The following CADM1 variants were observed in gnomAD, a reference collection of about 807,000 sequenced individuals.
The protein encoded by CADM1 is TSLC-1.
Under a neutral mutation model 53.1 loss-of-function variants are expected in CADM1, and 15 were observed. The observed-to-expected ratio is 0.28, with a 90% CI of 0.19 to 0.44. The LOEUF is 0.44. CADM1 is among the 20% of genes least tolerant of loss of function. CADM1 has a pLI of 1.00. For missense variants in CADM1, 434 were observed against 611.3 expected, an observed-to-expected ratio of 0.71 and a Z score of 3.06; for synonymous variants, 281 against 243.0, an observed-to-expected ratio of 1.16 and a Z score of -1.45.
At chr11:115,340,114 C>A (rs1945387520) in intron 1 of CADM1, 1 of 152,152 alleles carries the variant, frequency 6.6e-6, no homozygotes, top group South Asian at 2.1e-4. Context: ...CCGTGTGAAT[C>A]CTGAACTCTG....
intron 1 of CADM1, among the ~76,000 whole-genome samples, chr11:115,393,142 A>C (rs995121833): frequency 2.6e-5 from 4 of 151,504 alleles, no homozygotes; most frequent in African/African-American, 9.7e-5. Context: ...ATTATTATAT[A>C]GTCTTTAAAA....
rs1022716461 is a variant in CADM1 at position 115,214,390 on chromosome 11, G to A, written c.994+218C>T. On this transcript the variant is annotated intron_variant, in intron 7 of 11. Coordinates refer to ENST00000331581, the MANE Select transcript of CADM1 (RefSeq NM_001301043.2). The stretch of plus-strand genomic sequence containing the variant: ...TTCCTTCTCAGCATGACCAAAGACT[G>A]TGATCTAGTAGAAACACCCACCATT... 9 of 576,110 alleles carry A rather than the reference G, an allele frequency of 1.6e-5. No homozygotes were observed. The African/African-American group carries it at 1.7e-4, about 11-fold the overall frequency. The allele number at this position is 576,110 out of a possible 1,614,324, so 35.7% of individuals were successfully genotyped here. A position where few individuals can be genotyped will look rare whatever the true frequency, so the allele number is the denominator to read the frequency against.
chr11:115,329,475 C>T (rs141326838), intron 1 of CADM1, among the ~76,000 whole-genome samples: 1 of 152,170 alleles, frequency 6.6e-6, no homozygotes, highest in African/African-American at 2.4e-5. Flanking sequence ...GGGTGTGGCT[C>T]GTCTGTTGGG....
chr11:115,448,736 G>GCC (rs759492422), intron 1 of CADM1, among the ~76,000 whole-genome samples: 14 of 152,062 alleles, frequency 9.2e-5, no homozygotes, highest in Admixed American at 2.0e-4. Context: ...ATATCACAAA[G>GCC]TCAACATGTA....
chr11:115,251,312 C>A (rs1268740825), intron 1 of CADM1, among the ~76,000 whole-genome samples: 2 of 152,130 alleles, frequency 1.3e-5, no homozygotes, highest in Admixed American at 1.3e-4. Context: ...TTCCTGCCAA[C>A]AAGAGTCATT....
intron 1 of CADM1, among the ~76,000 whole-genome samples, chr11:115,429,995 C>G (rs953092581): frequency 2.0e-5 from 3 of 151,922 alleles, no homozygotes; most frequent in African/African-American, 7.3e-5. Context: ...AGAAATGAAC[C>G]CAGGATTTCT....
In CADM1 at chr11:115,238,468, T is replaced by C. The variant is rs1447464469; in HGVS notation, c.424+32A>G. On this transcript the variant is annotated intron_variant, in intron 3 of 11. Coordinates refer to ENST00000331581, the MANE Select transcript of CADM1 (RefSeq NM_001301043.2). ...TGTAAAAGGGCCATCTCTATTCCAT[T>C]TCCCCGGGTAAGCCCCACATGCGTT... 7.4e-6 allele frequency: 12 copies of C among 1,611,762 alleles called. No individual in the cohort carries two copies. In the Admixed American group the frequency reaches 8.3e-5, roughly 11 times the overall value.
At position 115,475,424 on chromosome 11, in the gene CADM1, T is replaced by C. The variant is rs1949109660; in HGVS notation, c.124+28847A>G. Among the ~76,000 whole-genome samples the C allele has an allele frequency of 1.3e-5, 2 of 152,200 alleles. 1 individual carries two copies. The highest frequency in any genetic ancestry group is 1.3e-4 in the Admixed American group (2 of 15,274). On this transcript the variant is annotated intron_variant, in intron 1 of 11. Coordinates refer to ENST00000331581, the MANE Select transcript of CADM1 (RefSeq NM_001301043.2). Reference sequence around the variant, plus strand: ...ACCTGGCAATCTACTTCTAGGCATTTAGCCAATAGAAATGAAAACTTATGG... The same window carrying C: ...ACCTGGCAATCTACTTCTAGGCATTCAGCCAATAGAAATGAAAACTTATGG...
At chr11:115,335,837 G>A (rs1485863591) in intron 1 of CADM1, among the ~76,000 whole-genome samples, 1 of 152,102 alleles carries the variant, frequency 6.6e-6, no homozygotes, top group East Asian at 1.9e-4. Context: ...TCATTAGGAA[G>A]CTGTCAAGTT....
intron 1 of CADM1, among the ~76,000 whole-genome samples, chr11:115,360,546 T>C (rs1414374438): frequency 1.3e-5 from 2 of 152,222 alleles, no homozygotes; most frequent in Non-Finnish European, 2.9e-5. Flanking sequence ...CTACGGCAGA[T>C]GAAAATATAT....
At position 115,217,751 on chromosome 11, in the gene CADM1, G is replaced by A. The variant is rs1008511789; in HGVS notation, c.821+141C>T. The A allele has an allele frequency of 4.2e-6, 3 of 710,234 alleles. No individual in the cohort carries two copies. In the African/African-American group the frequency reaches 5.2e-5, roughly 12 times the overall value. The allele number at this position is 710,234 out of a possible 1,614,324, so 44.0% of individuals were successfully genotyped here. A position where few individuals can be genotyped will look rare whatever the true frequency, so the allele number is the denominator to read the frequency against. On this transcript the variant is annotated intron_variant, in intron 6 of 11. Transcript: ENST00000331581. ...ATGGATATTTATTTCCACTCTCACT[G>A]AATATTCTTTAGTTCCTGAAAAACC...
chr11:115,186,365 TCCC>T (rs1939549505), intron 10 of CADM1, among the ~76,000 whole-genome samples: 1 of 152,100 alleles, frequency 6.6e-6, no homozygotes, highest in Non-Finnish European at 1.5e-5. Context: ...AAAAAAATCT[TCCC>T]AGGTTAGTCA....
chr11:115,310,407 C>T (rs1944500453), intron 1 of CADM1, among the ~76,000 whole-genome samples: 1 of 152,064 alleles, frequency 6.6e-6, no homozygotes, highest in Non-Finnish European at 1.5e-5. Context: ...TCAAGGAATT[C>T]TTCATGCTAC....
At position 115,238,474 on chromosome 11, in the gene CADM1, G is replaced by A. The variant is rs373620475; in HGVS notation, c.424+26C>T. On this transcript the variant is annotated intron_variant, in intron 3 of 11. Coordinates refer to ENST00000331581, the MANE Select transcript of CADM1 (RefSeq NM_001301043.2). Reference sequence around the variant, plus strand: ...AGGGCCATCTCTATTCCATTTCCCCGGGTAAGCCCCACATGCGTTTCTTAC... The same window carrying A: ...AGGGCCATCTCTATTCCATTTCCCCAGGTAAGCCCCACATGCGTTTCTTAC... The A allele has an allele frequency of 5.9e-5, 95 of 1,612,536 alleles. No individual in the cohort carries two copies. The Admixed American group carries it at 6.2e-4, about 10-fold the overall frequency.
At chr11:115,445,537 A>G (rs1259389739) in intron 1 of CADM1, among the ~76,000 whole-genome samples, 2 of 152,114 alleles carry the variant, frequency 1.3e-5, no homozygotes, top group Admixed American at 6.5e-5. Flanking sequence ...GTGTAGCCCG[A>G]AAGTTACTAA....
intron 1 of CADM1, among the ~76,000 whole-genome samples, chr11:115,340,658 A>ATATATATTTTT (rs60532835): frequency 1.4e-4 from 5 of 34,938 alleles, no homozygotes; most frequent in Non-Finnish European, 2.3e-4. Context: ...ATATATATAT[A>ATATATATTTTT]TTTTTTTTTT....
intron 7 of CADM1, among the ~76,000 whole-genome samples, chr11:115,210,228 C>T (rs972904706): frequency 6.6e-6 from 1 of 152,172 alleles, no homozygotes; most frequent in African/African-American, 2.4e-5. Context: ...ATATCAAGTT[C>T]CAGGCATGTG....
intron 1 of CADM1, among the ~76,000 whole-genome samples, chr11:115,490,942 A>G (rs772851690): frequency 6.6e-6 from 1 of 152,202 alleles, no homozygotes; most frequent in African/African-American, 2.4e-5. Context: ...GACACTAAAT[A>G]TAACTGCTGT....
At chr11:115,204,529 A>G (rs565153810) in intron 8 of CADM1, among the ~76,000 whole-genome samples, 1 of 152,312 alleles carries the variant, frequency 6.6e-6, no homozygotes, top group African/African-American at 2.4e-5. Context: ...CAGCTCTTGA[A>G]CCATGCAAAT....
Sources: gnomAD v4.1 joint callset for allele counts (sites outside exome capture counted in the v4.1 genomes callset) on GRCh38, gnomAD v4.1.1 for gene constraint, MANE v1.5 for transcripts, NCBI Gene and HGNC (gene_info 2026-07-23, HGNC 2026-07-21) for gene names.